Variants in COL22A1 observed in about 807,000 individuals in gnomAD.
The protein encoded by COL22A1 is collagen type XXII alpha 1 chain.
A neutral mutation model predicts 248.9 loss-of-function variants in COL22A1; 221 were observed. The observed-to-expected ratio is 0.89, with a 90% CI of 0.80 to 0.99. The LOEUF (loss-of-function observed/expected upper bound fraction) is 0.99, where lower values mean the gene tolerates loss of function less well. COL22A1 is among the 50% of genes least tolerant of loss of function. The probability of loss-of-function intolerance (pLI) is 0.00; values close to 1 mark genes in which losing one functional copy is unlikely to be tolerated. For synonymous variants in COL22A1, 891 were observed against 793.4 expected (o/e 1.12, Z -2.07); for missense variants, 2,240 against 2,179.0 (o/e 1.03, Z -0.56).
chr8:138,591,331 G>A (rs757806202), intron 64 of COL22A1, 93 bp downstream of exon 64: 42 of 759,952 alleles, frequency 5.5e-5, no homozygotes, highest in East Asian at 1.6e-4. Context: ...CCTCCTCTCC[G>A]CTCACTGCTG....
intron 30 of COL22A1, among the ~76,000 whole-genome samples, chr8:138,706,175 C>T (rs1447880879): frequency 6.6e-6 from 1 of 152,144 alleles, no homozygotes; most frequent in African/African-American, 2.4e-5. Flanking sequence ...TAGACTCCCA[C>T]ACAATAATAA....
At chr8:138,707,474 G>T (rs977174495) in intron 30 of COL22A1, among the ~76,000 whole-genome samples, 6 of 152,110 alleles carry the variant, frequency 3.9e-5, no homozygotes, top group Non-Finnish European at 8.8e-5. Context: ...ATGCAAGGCT[G>T]GTTCAACATA....
chr8:138,685,372 G>C, intron 37 of COL22A1, 60 bp from the exon 38 acceptor site: 1 of 1,408,534 alleles, frequency 7.1e-7, no homozygotes, highest in Admixed American at 1.8e-5. Flanking sequence ...GCTTTTCTAT[G>C]GGGGAGCAGC....
chr8:138,821,516 T>A, intron 6 of COL22A1, 105 bp from the exon 7 acceptor site: 2 of 1,184,584 alleles, frequency 1.7e-6, no homozygotes, highest in Middle Eastern at 2.1e-4. Context: ...CCTGAGTCAA[T>A]CCTGGCTGTG....
At chr8:138,679,828 C>A in intron 39 of COL22A1, 152 bp from the exon 40 acceptor site, 2 of 703,850 alleles carry the variant, frequency 2.8e-6, no homozygotes, top group Admixed American at 2.2e-5. Context: ...AGCTAATAAC[C>A]ATTTCCTGGA....
At chr8:138,596,872 C>G (rs1817577373) in intron 62 of COL22A1, 32 bp downstream of exon 62, 1 of 1,605,612 alleles carries the variant, frequency 6.2e-7, no homozygotes. Flanking sequence ...GGGCTCTTCT[C>G]TGCAAGACCG....
At chr8:138,906,747 G>A (rs370163926) in intron 1 of COL22A1, among the ~76,000 whole-genome samples, 1 of 151,988 alleles carries the variant, frequency 6.6e-6, no homozygotes, top group African/African-American at 2.4e-5. Flanking sequence ...CCACCTCCTG[G>A]ATTCAAGCAA....
At chr8:138,682,262 AG>A (rs1223039378) in intron 39 of COL22A1, among the ~76,000 whole-genome samples, 1 of 101,046 alleles carries the variant, frequency 9.9e-6, no homozygotes, top group African/African-American at 3.7e-5. Flanking sequence ...TAAAGAACTC[AG>A]GTGGAATGCA....
chr8:138,887,287 C>A (rs1824741565), intron 1 of COL22A1, among the ~76,000 whole-genome samples: 1 of 151,068 alleles, frequency 6.6e-6, no homozygotes, highest in Non-Finnish European at 1.5e-5. Flanking sequence ...TGCAGTGGTG[C>A]CATCTCAGCT....
intron 26 of COL22A1, 114 bp from the exon 27 acceptor site, chr8:138,720,906 G>A (rs1416682893): frequency 2.4e-6 from 2 of 843,502 alleles, no homozygotes. Flanking sequence ...GGGTGGTTTT[G>A]AACTGCTTCA....
rs142275566 is a variant in COL22A1, at chr8:138,751,114, T to G, written c.2085+344A>C. 5.3e-3 allele frequency among the ~76,000 whole-genome samples: 809 copies of G among 152,340 alleles called. 6 individuals are homozygous for G. Among genetic ancestry groups the G allele is most frequent in the South Asian group, 0.025 (120 of 4,824 alleles). On this transcript the variant is annotated intron_variant, in intron 22 of 64. Transcript: ENST00000303045. Reference sequence around the variant, plus strand: ...TACCATGAGATATGATATTCAATAATGGCATGGATATATTAGATGCACTCA... The same window carrying G: ...TACCATGAGATATGATATTCAATAAGGGCATGGATATATTAGATGCACTCA...
chr8:138,810,405 A>T (rs1285583531), intron 9 of COL22A1, among the ~76,000 whole-genome samples: 1 of 152,194 alleles, frequency 6.6e-6, no homozygotes. Flanking sequence ...TATTTCATTG[A>T]CATGTAAAAA....
Position 138,654,568 on chromosome 8 carries a change from A to G in COL22A1, c.3333+1329T>C, listed in dbSNP as rs185286883. ...GAGGGAAGGAAGGGACCAGTCACAA[A>G]ATGCAGTATTGACCCTTCACCCAGA... On this transcript the variant is annotated intron_variant, in intron 45 of 64. Transcript: ENST00000303045. Among the ~76,000 whole-genome samples, 269 of 152,244 alleles carry G rather than the reference A, an allele frequency of 1.8e-3. 1 individual carries two copies. The highest frequency in any genetic ancestry group is 6.2e-3 in the African/African-American group (257 of 41,548).
chr8:138,714,026 C>T (rs1464487433), intron 30 of COL22A1, among the ~76,000 whole-genome samples: 2 of 152,190 alleles, frequency 1.3e-5, no homozygotes, highest in African/African-American at 4.8e-5. Flanking sequence ...TACTCTCCAA[C>T]CTGTTTTTGT....
At chr8:138,608,945 G>C (rs745730802) in intron 56 of COL22A1, among the ~76,000 whole-genome samples, 5 of 152,200 alleles carry the variant, frequency 3.3e-5, no homozygotes, top group African/African-American at 1.2e-4. Flanking sequence ...TGCAGTGCCA[G>C]ACACACAGGA....
intron 28 of COL22A1, 56 bp downstream of exon 28, chr8:138,716,769 C>A: frequency 8.1e-7 from 1 of 1,233,044 alleles, no homozygotes; most frequent in Non-Finnish European, 1.2e-6. Context: ...CAAGATGTAG[C>A]GTATAACAAT....
At position 138,785,226 on chromosome 8, in the gene COL22A1, G is replaced by A. The variant is rs183791649; in HGVS notation, c.1597-4246C>T. ...ACACTCATTTGACTGCCTCAGAGGC[G>A]GAGAAGCTCTGCGTGGAGCCAGGAG... On this transcript the variant is annotated intron_variant, in intron 12 of 64. Coordinates refer to ENST00000303045, the MANE Select transcript of COL22A1 (RefSeq NM_152888.3). Among the ~76,000 whole-genome samples, 251 of 152,314 alleles carry A rather than the reference G, an allele frequency of 1.6e-3. 1 individual carries two copies. The highest frequency in any genetic ancestry group is 5.7e-3 in the African/African-American group (239 of 41,570).
chr8:138,802,310 T>C (rs1212508882), intron 11 of COL22A1, among the ~76,000 whole-genome samples: 1 of 152,030 alleles, frequency 6.6e-6, no homozygotes, highest in East Asian at 1.9e-4. Context: ...ATGAATACAA[T>C]TCATGCTAGG....
chr8:138,806,572 G>T (rs1482875660), intron 10 of COL22A1, among the ~76,000 whole-genome samples: 3 of 152,132 alleles, frequency 2.0e-5, no homozygotes, highest in African/African-American at 7.2e-5. Context: ...CATCGCTCAG[G>T]CGAGTCATTT....
Sources: gnomAD v4.1 joint callset for allele counts (sites outside exome capture counted in the v4.1 genomes callset) on GRCh38, gnomAD v4.1.1 for gene constraint, MANE v1.5 for transcripts, NCBI Gene and HGNC (gene_info 2026-07-23, HGNC 2026-07-21) for gene names.